KIAA0825: variants seen among roughly 807,000 people sequenced by gnomAD.
The protein encoded by KIAA0825 is uncharacterized protein KIAA0825.
A neutral mutation model predicts 147.6 loss-of-function variants in KIAA0825; 119 were observed. The observed-to-expected ratio is 0.81, with a 90% CI of 0.69 to 0.94. The LOEUF is 0.94. Among genes scored for constraint, KIAA0825 ranks in the 40% least tolerant of loss-of-function variants. The pLI, the probability that KIAA0825 is intolerant of heterozygous loss-of-function variation, is 0.00. For synonymous variants in KIAA0825, 470 were observed against 518.1 expected (o/e 0.91, Z 1.26); for missense variants, 1,381 against 1,472.7 (o/e 0.94, Z 1.02).
chr5:94,602,163 C>T (rs973501417), intron 1 of KIAA0825, among the ~76,000 whole-genome samples: 1 of 152,140 alleles, frequency 6.6e-6, no homozygotes, highest in Admixed American at 6.5e-5. Flanking sequence ...TCCTGGCTAA[C>T]ATGGTGAAAC....
chr5:94,275,926 A>G (rs1777207591), intron 20 of KIAA0825, among the ~76,000 whole-genome samples: 1 of 152,136 alleles, frequency 6.6e-6, no homozygotes, highest in Non-Finnish European at 1.5e-5. Context: ...AAATACACAT[A>G]CTAGAGTGCA....
chr5:94,299,461 C>A (rs1174317554), intron 20 of KIAA0825, among the ~76,000 whole-genome samples: 1 of 151,816 alleles, frequency 6.6e-6, no homozygotes, highest in Non-Finnish European at 1.5e-5. Context: ...GCTCAAGTGA[C>A]CCTCCTGTCT....
chr5:94,529,377 C>CATATATGTGTATATA (rs1770257562), intron 3 of KIAA0825, among the ~76,000 whole-genome samples: 2 of 138,810 alleles, frequency 1.4e-5, no homozygotes, highest in African/African-American at 5.6e-5. Context: ...ATGTATATAT[C>CATATATGTGTATATA]TCATATATGT....
In KIAA0825 at chr5:94,404,976, T is replaced by G. The variant is rs958803201; in HGVS notation, c.2663-1183A>C. Among the ~76,000 whole-genome samples, 18 of 152,238 alleles carry G rather than the reference T, an allele frequency of 1.2e-4. No individual in the cohort carries two copies. The South Asian group carries it at 2.3e-3, about 19-fold the overall frequency. On this transcript the variant is annotated intron_variant, in intron 15 of 20. Coordinates refer to ENST00000682413, the MANE Select transcript of KIAA0825 (RefSeq NM_001145678.3). ...CTTCCACGACTGTATTTAAGACTCC[T>G]AAGAAGAAAATAACAAATACTTCAC...
intron 3 of KIAA0825, among the ~76,000 whole-genome samples, chr5:94,532,793 C>T (rs1771084342): frequency 6.7e-6 from 1 of 150,186 alleles, no homozygotes; most frequent in Non-Finnish European, 1.5e-5. Flanking sequence ...CCTTGGCCTC[C>T]CCAAGTATTG....
intron 20 of KIAA0825, among the ~76,000 whole-genome samples, chr5:94,168,589 T>TATCAGTAA (rs1768287185): frequency 6.6e-6 from 1 of 152,226 alleles, no homozygotes; most frequent in Non-Finnish European, 1.5e-5. Flanking sequence ...CCTTTTCTGT[T>TATCAGTAA]ATCAGTAAAT....
chr5:94,284,370 C>T (rs1310516641), intron 20 of KIAA0825, among the ~76,000 whole-genome samples: 1 of 152,092 alleles, frequency 6.6e-6, no homozygotes, highest in African/African-American at 2.4e-5. Flanking sequence ...TGAATTGGTC[C>T]AGATAATACT....
intron 5 of KIAA0825, among the ~76,000 whole-genome samples, chr5:94,517,387 A>G (rs1767432378): frequency 6.6e-6 from 1 of 152,142 alleles, no homozygotes; most frequent in Non-Finnish European, 1.5e-5. Flanking sequence ...ATACATATTA[A>G]TAAGTAATCA....
chr5:94,270,168 G>C (rs897461529), intron 20 of KIAA0825, among the ~76,000 whole-genome samples: 1 of 151,938 alleles, frequency 6.6e-6, no homozygotes, highest in African/African-American at 2.4e-5. Flanking sequence ...AACAAAACTG[G>C]GGAACTGCAT....
intron 20 of KIAA0825, among the ~76,000 whole-genome samples, chr5:94,170,596 G>C (rs540834722): frequency 2.2e-4 from 34 of 152,300 alleles, no homozygotes; most frequent in African/African-American, 8.2e-4. Flanking sequence ...CAGGTAATGT[G>C]GCTAGAAGGC....
rs930705078 is a variant in KIAA0825, at chr5:94,477,188, C to T, written c.1150G>A (p.Asp384Asn). Residue 384 changes from aspartate to asparagine, a missense_variant, in exon 7 of 21, where the codon GAT (aspartate) becomes AAT (asparagine). Asp to Asn is a conservative substitution (Grantham distance 23, BLOSUM62 1). Transcript: ENST00000682413. ...RDTSGILEKS[D>N]REVVMEKPRA... ...GGTTTTTCCATTACAACCTCTCTAT[C>T]GGATTTCTCCAAAATTCCTAAGCAA... The T allele has an allele frequency of 7.7e-6, 12 of 1,548,820 alleles. No homozygotes were observed. Among genetic ancestry groups the T allele is most frequent in the Middle Eastern group, 1.7e-4 (1 of 5,982 alleles).
rs960374666 is a variant in KIAA0825, at chr5:94,617,391, T to C, written c.-153+1109A>G. Among the ~76,000 whole-genome samples the C allele has an allele frequency of 1.1e-3, 173 of 152,302 alleles. 1 individual carries two copies. The highest frequency in any genetic ancestry group is 4.0e-3 in the African/African-American group (168 of 41,570). On this transcript the variant is annotated intron_variant, in intron 1 of 20. Coordinates refer to ENST00000682413, the MANE Select transcript of KIAA0825 (RefSeq NM_001145678.3). ...GAAAATCAATGTGCTGTCCTAAATA[T>C]GGTTTGTTGCATTACTCTCAAAAGG...
Position 94,212,809 on chromosome 5 carries a change from G to A in KIAA0825, c.3711-58685C>T, listed in dbSNP as rs568436127. On this transcript the variant is annotated intron_variant, in intron 20 of 20. Coordinates refer to ENST00000682413, the MANE Select transcript of KIAA0825 (RefSeq NM_001145678.3). ...GAAACAAATCTGCTTTCTACCCTGA[G>A]GGACTCACTATCTTGAGGCTGTCTG... Among the ~76,000 whole-genome samples the A allele has an allele frequency of 2.6e-5, 4 of 152,286 alleles. No individual in the cohort carries two copies. In the East Asian group the frequency reaches 7.7e-4, roughly 29 times the overall value.
chr5:94,249,755 ACAT>A (rs1167805254), intron 20 of KIAA0825, among the ~76,000 whole-genome samples: 1 of 149,042 alleles, frequency 6.7e-6, no homozygotes, highest in African/African-American at 2.5e-5. Context: ...ACTCTATGTG[ACAT>A]CATATTATTT....
At chr5:94,217,137 T>C (rs1400338405) in intron 20 of KIAA0825, among the ~76,000 whole-genome samples, 2 of 152,180 alleles carry the variant, frequency 1.3e-5, no homozygotes, top group Non-Finnish European at 2.9e-5. Flanking sequence ...ATTCAAACAT[T>C]TGAGAACTCA....
chr5:94,610,796 T>C (rs1429082881), intron 1 of KIAA0825, among the ~76,000 whole-genome samples: 3 of 122,446 alleles, frequency 2.5e-5, no homozygotes. Context: ...AGTATATATA[T>C]ATATATATAT....
intron 1 of KIAA0825, chr5:94,594,398 T>C (rs1184392654): frequency 5.2e-6 from 4 of 770,194 alleles, no homozygotes; most frequent in African/African-American, 5.2e-5. Flanking sequence ...GAGGAATCAA[T>C]TGTGTAAAAG....
rs529632929 is a variant in KIAA0825, at chr5:94,382,318, T to C, written c.3710+2050A>G. On this transcript the variant is annotated intron_variant, in intron 20 of 20. Transcript: ENST00000682413. ...GATAACCATGTTGTCAACAATTAAATGTACTATTAAAAAAATCGGCATTTT... is the reference window on the plus strand; with the variant it reads ...GATAACCATGTTGTCAACAATTAAACGTACTATTAAAAAAATCGGCATTTT... 2.6e-5 allele frequency among the ~76,000 whole-genome samples: 4 copies of C among 152,334 alleles called. No homozygotes were observed. In the South Asian group the frequency reaches 8.3e-4, roughly 32 times the overall value.
intron 20 of KIAA0825, among the ~76,000 whole-genome samples, chr5:94,226,852 A>G (rs1774213649): frequency 6.6e-6 from 1 of 152,078 alleles, no homozygotes; most frequent in African/African-American, 2.4e-5. Flanking sequence ...ATGAGATACC[A>G]TCTCACGCCA....
Sources: allele counts gnomAD v4.1 joint callset (sites outside exome capture counted in the v4.1 genomes callset), GRCh38; gene constraint gnomAD v4.1.1; transcripts MANE v1.5; gene names NCBI Gene and HGNC (gene_info 2026-07-23, HGNC 2026-07-21).